Variants in PLA2G4E observed in about 807,000 individuals in gnomAD.
PLA2G4E encodes the protein cytosolic phospholipase A2 epsilon.
Under a neutral mutation model 109.1 loss-of-function variants are expected in PLA2G4E, and 84 were observed. The observed-to-expected ratio is 0.77, with a 90% CI of 0.65 to 0.92. PLA2G4E has a LOEUF of 0.92. PLA2G4E is among the 40% of genes least tolerant of loss of function. PLA2G4E has a pLI of 0.00. For missense variants in PLA2G4E, 1,057 were observed against 1,076.6 expected (o/e 0.98, Z 0.25); for synonymous variants, 469 against 436.1 (o/e 1.08, Z -0.94).
chr15:41,984,064 G>T, intron 19 of PLA2G4E, 90 bp from the exon 20 acceptor site: 1 of 1,165,162 alleles, frequency 8.6e-7, no homozygotes, highest in Non-Finnish European at 1.2e-6. Flanking sequence ...CCACCAACCT[G>T]CACTCACGGA....
At chr15:42,026,586 T>C (rs2068694787) in intron 1 of PLA2G4E, among the ~76,000 whole-genome samples, 1 of 152,220 alleles carries the variant, frequency 6.6e-6, no homozygotes, top group African/African-American at 2.4e-5. Flanking sequence ...TGCTCTGCTG[T>C]GGAAGAGGAG....
exon 8 of PLA2G4E, chr15:42,000,182 G>T (rs764544682): frequency 3.1e-6 from 5 of 1,594,910 alleles, no homozygotes; most frequent in South Asian, 2.3e-5. Flanking sequence ...AGCAGGCAGC[G>T]GTTTGGAAGC....
chr15:42,037,724 AC>A lies in PLA2G4E; in HGVS notation c.183+12796del, dbSNP rs550121028. ...CCCAAACCTGGGAGCTCATGGAGCC[AC>A]ATCTGTGACTCCCTCTTCGGGGCCC... On this transcript the variant is annotated intron_variant, in intron 1 of 19. Transcript: ENST00000399518. Among the ~76,000 whole-genome samples, 80 of 152,344 alleles carry A rather than the reference AC, an allele frequency of 5.3e-4. 1 individual carries two copies. Among genetic ancestry groups the A allele is most frequent in the African/African-American group, 1.8e-3 (76 of 41,592 alleles).
intron 15 of PLA2G4E, among the ~76,000 whole-genome samples, chr15:41,988,838 AG>A (rs2068192794): frequency 6.6e-6 from 1 of 152,228 alleles, no homozygotes; most frequent in African/African-American, 2.4e-5. Flanking sequence ...TGGATCTTGC[AG>A]GATGGGTTGG....
At chr15:42,037,001 A>G (rs779663275) in intron 1 of PLA2G4E, among the ~76,000 whole-genome samples, 8 of 152,168 alleles carry the variant, frequency 5.3e-5, no homozygotes, top group Non-Finnish European at 7.4e-5. Context: ...GAGGGTGCAC[A>G]TATTTGGGGC....
chr15:42,010,168 T>C (rs191696239), intron 2 of PLA2G4E: 187 of 468,742 alleles, frequency 4.0e-4, no homozygotes, highest in Admixed American at 8.7e-4. Flanking sequence ...ACCCTTCAGG[T>C]CTGTCTCCGG....
At chr15:42,034,847 C>T (rs1290461841) in intron 1 of PLA2G4E, among the ~76,000 whole-genome samples, 1 of 152,202 alleles carries the variant, frequency 6.6e-6, no homozygotes, top group Non-Finnish European at 1.5e-5. Context: ...CCTATATGCC[C>T]CTTGGACTTC....
chr15:42,020,501 T>C (rs1197872863), intron 1 of PLA2G4E, among the ~76,000 whole-genome samples: 3 of 152,236 alleles, frequency 2.0e-5, no homozygotes, highest in African/African-American at 7.2e-5. Context: ...TGGCAACAGA[T>C]TGACAATGCC....
At chr15:42,002,264 CAAAAAAAAAAAAA>C (rs71108143) in intron 6 of PLA2G4E, among the ~76,000 whole-genome samples, 12 of 73,234 alleles carry the variant, frequency 1.6e-4, no homozygotes, top group African/African-American at 2.5e-4. Flanking sequence ...GACCTTGTCT[CAAAAAAAAAAAAA>C]AAAAAAAAAA....
intron 1 of PLA2G4E, among the ~76,000 whole-genome samples, chr15:42,046,238 A>G (rs1889413486): frequency 6.6e-6 from 1 of 152,232 alleles, no homozygotes; most frequent in South Asian, 2.1e-4. Flanking sequence ...CAGGTAAAAC[A>G]TAAAACAGAT....
exon 20 of PLA2G4E, chr15:41,982,865 T>C (rs1212388452): frequency 6.6e-6 from 1 of 152,272 alleles, no homozygotes; most frequent in African/African-American, 2.4e-5. Context: ...ACCGGCCACC[T>C]ATTTGGCTTT....
rs148099795 is a variant in PLA2G4E, at chr15:42,029,765, G to T, written c.184-16008C>A. On this transcript the variant is annotated intron_variant, in intron 1 of 19. Coordinates refer to ENST00000399518, the Ensembl canonical transcript of PLA2G4E. ...CATAACAGTTTCTACCTCATGGGAT[G>T]GTTGTCCAGAATAAATGAGGTAAAG... Among the ~76,000 whole-genome samples the T allele has an allele frequency of 1.1e-4, 17 of 152,334 alleles. No individual in the cohort carries two copies. In the East Asian group the frequency reaches 2.7e-3, roughly 24 times the overall value.
At chr15:42,001,629 A>G (rs186460725) in intron 6 of PLA2G4E, among the ~76,000 whole-genome samples, 32 of 152,288 alleles carry the variant, frequency 2.1e-4, no homozygotes, top group East Asian at 1.3e-3. Flanking sequence ...TTTGAGGGAG[A>G]GGTCTCCTTG....
intron 10 of PLA2G4E, 26 bp downstream of exon 10, chr15:41,999,498 G>T (rs760667107): frequency 4.6e-6 from 7 of 1,531,844 alleles, no homozygotes; most frequent in Non-Finnish European, 6.3e-6. Context: ...TAAGTGAGAG[G>T]CACGGACAGA....
intron 1 of PLA2G4E, among the ~76,000 whole-genome samples, chr15:42,035,707 G>T (rs1467498545): frequency 6.6e-6 from 1 of 152,208 alleles, no homozygotes. Flanking sequence ...GGAAGTGATT[G>T]GGTAAGGAGC....
In PLA2G4E at chr15:42,007,971, C is replaced by T. The variant is rs538673827; in HGVS notation, c.257-106G>A. The T allele has an allele frequency of 2.5e-4, 313 of 1,243,118 alleles. 3 individuals are homozygous for T. The South Asian group carries it at 3.9e-3, about 15-fold the overall frequency. 77.0% of individuals were successfully genotyped at this position (1,243,118 alleles called of 1,614,324 possible). A position where few individuals can be genotyped will look rare whatever the true frequency, so the allele number is the denominator to read the frequency against. On this transcript the variant is annotated intron_variant, in intron 2 of 19. Transcript: ENST00000399518. Reference sequence around the variant, plus strand: ...TCCAGAGCCAGGCCCCATCTCAGCTCCAGTTCCTCTCCTCATTCATGGGTC... The same window carrying T: ...TCCAGAGCCAGGCCCCATCTCAGCTTCAGTTCCTCTCCTCATTCATGGGTC...
At chr15:42,001,767 C>T (rs1316301902) in intron 6 of PLA2G4E, among the ~76,000 whole-genome samples, 1 of 152,210 alleles carries the variant, frequency 6.6e-6, no homozygotes, top group Non-Finnish European at 1.5e-5. Flanking sequence ...TCACAGCTCA[C>T]TGCAGCCTTG....
rs1259368416 is a variant in PLA2G4E, at chr15:42,024,918, G to A, written c.184-11161C>T. On this transcript the variant is annotated intron_variant, in intron 1 of 19. Coordinates refer to ENST00000399518, the Ensembl canonical transcript of PLA2G4E. Reference sequence around the variant, plus strand: ...TCGTGAAACTGTAAGAATTAAAGAGGAGCCAGGCGCGGTGGCTCACGCCTG... The same window carrying A: ...TCGTGAAACTGTAAGAATTAAAGAGAAGCCAGGCGCGGTGGCTCACGCCTG... Among the ~76,000 whole-genome samples the A allele has an allele frequency of 5.9e-5, 9 of 152,244 alleles. No individual in the cohort carries two copies. The South Asian group carries it at 1.2e-3, about 21-fold the overall frequency.
chr15:41,982,285 G>A (rs2068077625), exon 20 of PLA2G4E: 1 of 152,142 alleles, frequency 6.6e-6, no homozygotes, highest in Non-Finnish European at 1.5e-5. Flanking sequence ...CAGTGGCTCC[G>A]GTTATACATT....
Sources: allele counts gnomAD v4.1 joint callset (sites outside exome capture counted in the v4.1 genomes callset), GRCh38; gene constraint gnomAD v4.1.1; transcripts MANE v1.5; gene names NCBI Gene and HGNC (gene_info 2026-07-23, HGNC 2026-07-21).